ASAP2: variants seen among roughly 807,000 people sequenced by gnomAD.
ASAP2 encodes ArfGAP with SH3 domain, ankyrin repeat and PH domain 2.
ASAP2 carries 45 observed loss-of-function variants against 131.4 expected under a neutral mutation model. The observed-to-expected ratio is 0.34, with a 90% CI of 0.27 to 0.44. The LOEUF is 0.44. ASAP2 is among the 20% of genes least tolerant of loss of function. The probability of loss-of-function intolerance (pLI) is 1.00; values close to 1 mark genes in which losing one functional copy is unlikely to be tolerated. For missense variants in ASAP2, 1,011 were observed against 1,297.0 expected (o/e 0.78, Z 3.39); for synonymous variants, 510 against 503.0 (o/e 1.01, Z -0.19).
intron 9 of ASAP2, among the ~76,000 whole-genome samples, chr2:9,339,966 G>A (rs1347830479): frequency 6.6e-6 from 1 of 152,142 alleles, no homozygotes; most frequent in Non-Finnish European, 1.5e-5. Flanking sequence ...TACAAGTGTG[G>A]CCAACGATCC....
In ASAP2 at chr2:9,320,298, A is replaced by T; in HGVS notation, c.431A>T (p.Lys144Met). ...ATTCTTTGTTTACAGGATCTGAAAA[A>T]GCCTTTTGATAAAGCTTGGAAGGAC... ...DLKGVKGDLK[K>M]PFDKAWKDYE... is the part of the protein sequence containing the mutation. Residue 144 changes from lysine to methionine, a missense_variant, in exon 5 of 28, where the codon AAG becomes ATG. By Grantham distance (95) the Lys-to-Met change is moderately conservative (BLOSUM62 -1). Around this residue, in one of 2 missense-constraint regions of ASAP2, gnomAD observed 359 missense variants for 598.1 expected, o/e 0.60. Transcript: ENST00000281419. The T allele has an allele frequency of 6.2e-7, 1 of 1,610,908 alleles. No individual in the cohort carries two copies. Among genetic ancestry groups the T allele is most frequent in the Non-Finnish European group, 8.5e-7 (1 of 1,178,680 alleles).
At chr2:9,344,296 C>A (rs1374752052) in intron 9 of ASAP2, among the ~76,000 whole-genome samples, 1 of 152,128 alleles carries the variant, frequency 6.6e-6, no homozygotes, top group Non-Finnish European at 1.5e-5. Context: ...ATTCCTTCAG[C>A]CAGTTTGGGA....
rs1410019018 is a variant in ASAP2 at position 9,311,697 on chromosome 2, G to C, written c.346-6827G>C. Among the ~76,000 whole-genome samples the C allele has an allele frequency of 6.6e-6, 1 of 152,206 alleles. No individual in the cohort carries two copies. Among genetic ancestry groups the C allele is most frequent in the African/African-American group, 2.4e-5 (1 of 41,448 alleles). ...CCCTCTCGGCCAGAACTCGAGGATG[G>C]CTCGTTCGGCTGCGGGCCTGAGGCT... On this transcript the variant is annotated intron_variant, in intron 3 of 27. Coordinates refer to ENST00000281419, the MANE Select transcript of ASAP2 (RefSeq NM_003887.3). The surrounding 1 kb of genome is among the most constrained non-coding windows in gnomAD (Gnocchi z 5.2).
At chr2:9,242,453 CTG>C (rs1441079201) in intron 1 of ASAP2, among the ~76,000 whole-genome samples, 1 of 152,242 alleles carries the variant, frequency 6.6e-6, no homozygotes. Flanking sequence ...ATGCTACAAA[CTG>C]TGATAGACCC....
At chr2:9,285,931 A>G (rs1667430483) in intron 2 of ASAP2, among the ~76,000 whole-genome samples, 1 of 152,176 alleles carries the variant, frequency 6.6e-6, no homozygotes, top group South Asian at 2.1e-4. Context: ...GAATACAACA[A>G]CTTTGTGTGT....
rs1553297027 is a variant in ASAP2, at chr2:9,254,254, T to TATACACAC, written c.127-25062_127-25061insTACACACA. ...AAAAAAAAATATATATATATATATA[T>TATACACAC]ACACGTGTGTGTGTATGCATATATA... On this transcript the variant is annotated intron_variant, in intron 1 of 27. Coordinates refer to ENST00000281419, the MANE Select transcript of ASAP2 (RefSeq NM_003887.3). 2.1e-4 allele frequency among the ~76,000 whole-genome samples: 14 copies of TATACACAC among 65,738 alleles called. 1 individual carries two copies. Among genetic ancestry groups the TATACACAC allele is most frequent in the African/African-American group, 1.0e-3 (14 of 13,538 alleles). 43.1% of individuals were successfully genotyped at this position (65,738 alleles called of 152,430 possible).
At chr2:9,290,132 G>T (rs1475397010) in intron 2 of ASAP2, among the ~76,000 whole-genome samples, 2 of 152,204 alleles carry the variant, frequency 1.3e-5, no homozygotes, top group East Asian at 3.8e-4. Context: ...AGTTCCGAAG[G>T]CTGTGTCCCT....
chr2:9,340,831 C>T (rs927386066), intron 9 of ASAP2, among the ~76,000 whole-genome samples: 2 of 152,190 alleles, frequency 1.3e-5, no homozygotes, highest in African/African-American at 2.4e-5. Context: ...GCTAATACTT[C>T]ATAGGGCCAC....
intron 1 of ASAP2, among the ~76,000 whole-genome samples, chr2:9,273,891 G>A (rs1314586272): frequency 6.6e-6 from 1 of 152,204 alleles, no homozygotes; most frequent in African/African-American, 2.4e-5. Context: ...TAATTTATTA[G>A]TCCTGCAAAG....
At chr2:9,227,493 A>G (rs971842696) in intron 1 of ASAP2, among the ~76,000 whole-genome samples, 2 of 152,090 alleles carry the variant, frequency 1.3e-5, no homozygotes, top group Non-Finnish European at 2.9e-5. Flanking sequence ...ATAAGCTCTC[A>G]TTTGTATTTA....
At chr2:9,328,795 T>TG (rs1670641091) in intron 7 of ASAP2, among the ~76,000 whole-genome samples, 1 of 152,170 alleles carries the variant, frequency 6.6e-6, no homozygotes, top group Non-Finnish European at 1.5e-5. Flanking sequence ...GACACAGTGA[T>TG]GTACAGTGCT....
At chr2:9,212,789 C>T (rs1322480776) in intron 1 of ASAP2, among the ~76,000 whole-genome samples, 2 of 152,194 alleles carry the variant, frequency 1.3e-5, no homozygotes, top group Non-Finnish European at 2.9e-5. Flanking sequence ...ACCGGGAGAG[C>T]CATCACCTGG....
chr2:9,344,834 G>A (rs2148606424), intron 11 of ASAP2, 34 bp downstream of exon 11: 3 of 1,584,890 alleles, frequency 1.9e-6, no homozygotes, highest in Non-Finnish European at 2.6e-6. Flanking sequence ...GGTGTCTGCT[G>A]TATTAGGTGA....
chr2:9,223,380 G>T (rs1232485848), intron 1 of ASAP2, among the ~76,000 whole-genome samples: 1 of 152,078 alleles, frequency 6.6e-6, no homozygotes, highest in Admixed American at 6.5e-5. Flanking sequence ...AACCTTCTTG[G>T]ATCCTTCAAG....
chr2:9,349,907 C>G (rs1229183041), intron 11 of ASAP2, among the ~76,000 whole-genome samples: 1 of 152,018 alleles, frequency 6.6e-6, no homozygotes, highest in Non-Finnish European at 1.5e-5. Flanking sequence ...CTTGAAGTGA[C>G]CGGTGGCCAA....
rs890283342 is a variant in ASAP2, at chr2:9,217,276, C to T, written c.126+10046C>T. 6.6e-6 allele frequency among the ~76,000 whole-genome samples: 1 copy of T among 152,182 alleles called. No individual in the cohort carries two copies. The highest frequency in any genetic ancestry group is 2.4e-5 in the African/African-American group (1 of 41,450). On this transcript the variant is annotated intron_variant, in intron 1 of 27. Transcript: ENST00000281419. This position sits in a 1 kb window ranked among gnomAD's most constrained non-coding sequence, Gnocchi z 4.0. ...GCAAATCCTTGTTGCTTCTCGTTTC[C>T]TGTTTGCCTCATCTGTCCTCCTTGC...
At chr2:9,331,990 G>A (rs1478881242) in intron 7 of ASAP2, among the ~76,000 whole-genome samples, 4 of 152,132 alleles carry the variant, frequency 2.6e-5, no homozygotes, top group Non-Finnish European at 5.9e-5. Context: ...TTGGAATGTG[G>A]TGGCGTGAAG....
At chr2:9,208,098 C>T (rs1249295628) in intron 1 of ASAP2, among the ~76,000 whole-genome samples, 3 of 152,294 alleles carry the variant, frequency 2.0e-5, no homozygotes, top group Admixed American at 1.3e-4. Flanking sequence ...GTTTGAGGCA[C>T]ATCCTCACCT....
intron 1 of ASAP2, among the ~76,000 whole-genome samples, chr2:9,267,665 G>A (rs2148236195): frequency 6.6e-6 from 1 of 152,186 alleles, no homozygotes; most frequent in East Asian, 1.9e-4. Context: ...GGGAGGTCAA[G>A]GTGGGTGGAT....
Sources: allele counts gnomAD v4.1 joint callset (sites outside exome capture counted in the v4.1 genomes callset), GRCh38; gene constraint gnomAD v4.1.1; regional missense constraint gnomAD v4.1.1; non-coding constraint Gnocchi (gnomAD v3.1); transcripts MANE v1.5; gene names NCBI Gene and HGNC (gene_info 2026-07-23, HGNC 2026-07-21).